DSCAM: variants seen among roughly 807,000 people sequenced by gnomAD.
The protein encoded by DSCAM is cell adhesion molecule DSCAM.
In DSCAM, 47 loss-of-function variants were observed where a neutral mutation model predicts 217.7. The observed-to-expected ratio is 0.22, with a 90% CI of 0.17 to 0.28. The LOEUF (loss-of-function observed/expected upper bound fraction) is 0.28, where lower values mean the gene tolerates loss of function less well. DSCAM is among the 10% of genes least tolerant of loss of function. The pLI is 1.00. For synonymous variants in DSCAM, 1,056 were observed against 1,015.3 expected (o/e 1.04, Z -0.76); for missense variants, 2,080 against 2,618.3 (o/e 0.79, Z 4.49).
intron 3 of DSCAM, among the ~76,000 whole-genome samples, chr21:40,495,575 T>G (rs1055712790): frequency 6.6e-6 from 1 of 152,164 alleles, no homozygotes; most frequent in Non-Finnish European, 1.5e-5. Context: ...AAGCTAACAT[T>G]GTACACAATG....
At chr21:40,687,317 A>G (rs2090490201) in intron 3 of DSCAM, among the ~76,000 whole-genome samples, 1 of 152,164 alleles carries the variant, frequency 6.6e-6, no homozygotes, top group African/African-American at 2.4e-5. Flanking sequence ...TAAATTTCAC[A>G]TTATTTTAAT....
intron 11 of DSCAM, among the ~76,000 whole-genome samples, chr21:40,270,891 G>A (rs888757092): frequency 6.6e-6 from 1 of 152,208 alleles, no homozygotes; most frequent in African/African-American, 2.4e-5. Context: ...ACTGGTGGCA[G>A]TGGGTGAGGG....
At chr21:40,626,275 C>T (rs866629557) in intron 3 of DSCAM, among the ~76,000 whole-genome samples, 1 of 152,114 alleles carries the variant, frequency 6.6e-6, no homozygotes, top group South Asian at 2.1e-4. Flanking sequence ...GGTCCTACTC[C>T]TGCTATCTGA....
intron 1 of DSCAM, among the ~76,000 whole-genome samples, chr21:40,797,322 G>A (rs530731138): frequency 1.2e-4 from 19 of 152,232 alleles, no homozygotes; most frequent in East Asian, 3.9e-4. Context: ...CTGCTTAGCC[G>A]GTAATTCAAT....
At chr21:40,824,434 G>A in intron 1 of DSCAM, among the ~76,000 whole-genome samples, 1 of 125,866 alleles carries the variant, frequency 7.9e-6, no homozygotes, top group South Asian at 2.3e-4. Flanking sequence ...GACAGAAGCT[G>A]GCCTCACTTC....
intron 7 of DSCAM, among the ~76,000 whole-genome samples, chr21:40,338,783 G>C (rs992793191): frequency 1.3e-5 from 2 of 152,202 alleles, no homozygotes; most frequent in South Asian, 4.1e-4. Flanking sequence ...CAGCATGAAT[G>C]TAAGTTTAAT....
intron 3 of DSCAM, among the ~76,000 whole-genome samples, chr21:40,538,853 G>C (rs1038549676): frequency 5.9e-5 from 9 of 152,088 alleles, no homozygotes; most frequent in Non-Finnish European, 1.0e-4. Flanking sequence ...ATTATTCGGG[G>C]TCTCAGACAC....
chr21:40,632,730 G>A (rs979028127), intron 3 of DSCAM, among the ~76,000 whole-genome samples: 8 of 152,142 alleles, frequency 5.3e-5, no homozygotes, highest in Non-Finnish European at 1.2e-4. Context: ...TTCATTCCAC[G>A]TTGATTGACA....
At chr21:40,183,771 G>A (rs1387852918) in intron 14 of DSCAM, among the ~76,000 whole-genome samples, 2 of 152,196 alleles carry the variant, frequency 1.3e-5, no homozygotes, top group African/African-American at 2.4e-5. Context: ...ACTTGCAGAA[G>A]TTCTTTCTGT....
At chr21:40,803,365 A>G (rs984097762) in intron 1 of DSCAM, among the ~76,000 whole-genome samples, 1 of 152,196 alleles carries the variant, frequency 6.6e-6, no homozygotes, top group African/African-American at 2.4e-5. Flanking sequence ...ATGCTACCCC[A>G]TTACCCACCA....
intron 4 of DSCAM, among the ~76,000 whole-genome samples, chr21:40,355,761 G>A (rs1281065126): frequency 6.6e-6 from 1 of 152,192 alleles, no homozygotes; most frequent in Non-Finnish European, 1.5e-5. Context: ...GATGGCCAAG[G>A]AATGGATATT....
intron 3 of DSCAM, among the ~76,000 whole-genome samples, chr21:40,403,176 A>G (rs2075252403): frequency 6.6e-6 from 1 of 152,214 alleles, no homozygotes; most frequent in African/African-American, 2.4e-5. Flanking sequence ...TAAAAGCATC[A>G]CTATATATTT....
intron 16 of DSCAM, among the ~76,000 whole-genome samples, chr21:40,151,375 T>C (rs1052329425): frequency 6.6e-6 from 1 of 151,788 alleles, no homozygotes; most frequent in African/African-American, 2.4e-5. Flanking sequence ...CATTCACTGA[T>C]CACTTCTACC....
chr21:40,616,104 G>T (rs2089390372), intron 3 of DSCAM, among the ~76,000 whole-genome samples: 1 of 152,054 alleles, frequency 6.6e-6, no homozygotes, highest in Non-Finnish European at 1.5e-5. Flanking sequence ...GTTGGAAGCA[G>T]AAATAACTGA....
intron 11 of DSCAM, among the ~76,000 whole-genome samples, chr21:40,202,834 G>A (rs984488811): frequency 6.6e-6 from 1 of 152,302 alleles, no homozygotes; most frequent in Non-Finnish European, 1.5e-5. Flanking sequence ...GCTTGCATGT[G>A]ATGCCCATAT....
At chr21:40,679,842 C>G (rs2090380589) in intron 3 of DSCAM, among the ~76,000 whole-genome samples, 1 of 152,056 alleles carries the variant, frequency 6.6e-6, no homozygotes, top group African/African-American at 2.4e-5. Flanking sequence ...GATTATTTCC[C>G]CATGACTTCT....
At chr21:40,839,851 C>T (rs556645380) in intron 1 of DSCAM, among the ~76,000 whole-genome samples, 1 of 152,162 alleles carries the variant, frequency 6.6e-6, no homozygotes, top group Non-Finnish European at 1.5e-5. Flanking sequence ...ACTAGGGATA[C>T]AGGCAAGATT....
chr21:40,763,180 A>G (rs887975232), intron 1 of DSCAM, among the ~76,000 whole-genome samples: 1 of 152,184 alleles, frequency 6.6e-6, no homozygotes, highest in East Asian at 1.9e-4. Context: ...ACATGATTGT[A>G]TATTTAGAAA....
intron 11 of DSCAM, among the ~76,000 whole-genome samples, chr21:40,203,414 G>A (rs1031498890): frequency 6.6e-6 from 1 of 152,166 alleles, no homozygotes; most frequent in African/African-American, 2.4e-5. Context: ...CAACCTGTCT[G>A]AATCATCCCC....
Sources: allele counts gnomAD v4.1 joint callset (sites outside exome capture counted in the v4.1 genomes callset), GRCh38; gene constraint gnomAD v4.1.1; transcripts MANE v1.5; gene names NCBI Gene and HGNC (gene_info 2026-07-23, HGNC 2026-07-21).